Variants in SEMA5A observed in about 807,000 individuals in gnomAD.
SEMA5A encodes the protein semaphorin 5A.
SEMA5A carries 55 observed loss-of-function variants against 135.5 expected under a neutral mutation model. The ratio of observed to expected loss-of-function variants is 0.41; its 90% confidence interval spans 0.33 to 0.51. SEMA5A has a LOEUF of 0.51. Among genes scored for constraint, SEMA5A ranks in the 20% least tolerant of loss-of-function variants. The probability of loss-of-function intolerance (pLI) is 0.37; values close to 1 mark genes in which losing one functional copy is unlikely to be tolerated. For missense variants in SEMA5A, 1,290 were observed against 1,419.9 expected, an observed-to-expected ratio of 0.91 and a Z score of 1.47; for synonymous variants, 580 against 546.5, an observed-to-expected ratio of 1.06 and a Z score of -0.85.
At chr5:9,077,964 C>T (rs984973864) in intron 16 of SEMA5A, among the ~76,000 whole-genome samples, 1 of 152,148 alleles carries the variant, frequency 6.6e-6, no homozygotes, top group African/African-American at 2.4e-5. Context: ...TTATAACAGC[C>T]TAAAGCTCAG....
intron 1 of SEMA5A, among the ~76,000 whole-genome samples, chr5:9,468,168 A>C (rs745722673): frequency 2.6e-5 from 4 of 152,202 alleles, no homozygotes; most frequent in Admixed American, 2.6e-4. Flanking sequence ...AGAGACTCTC[A>C]TGATTCAGAA....
chr5:9,457,902 T>G (rs2126721356), intron 1 of SEMA5A, among the ~76,000 whole-genome samples: 2 of 51,106 alleles, frequency 3.9e-5, no homozygotes, highest in Non-Finnish European at 7.3e-5. Flanking sequence ...CATCTCTCCT[T>G]TTTTTTTTTT....
Position 9,445,956 on chromosome 5 carries a change from C to T in SEMA5A, c.-174-8104G>A, listed in dbSNP as rs1758418421. ...AGAGAAATACTCTTCCCACTTGGAG[C>T]CTTCATGCCCAGATCCAGCCTGAGA... On this transcript the variant is annotated intron_variant, in intron 1 of 22. Coordinates refer to ENST00000382496, the MANE Select transcript of SEMA5A (RefSeq NM_003966.3). Among the ~76,000 whole-genome samples the T allele has an allele frequency of 2.0e-5, 3 of 152,326 alleles. No individual in the cohort carries two copies. The South Asian group carries it at 6.2e-4, about 32-fold the overall frequency.
intron 12 of SEMA5A, among the ~76,000 whole-genome samples, chr5:9,145,619 G>C (rs1742285538): frequency 6.6e-6 from 1 of 150,650 alleles, no homozygotes; most frequent in South Asian, 2.1e-4. Context: ...GAGGCCTGTG[G>C]AGTAGATATT....
chr5:9,152,301 C>G (rs1742675730), intron 12 of SEMA5A, among the ~76,000 whole-genome samples: 1 of 152,162 alleles, frequency 6.6e-6, no homozygotes, highest in South Asian at 2.1e-4. Flanking sequence ...TATATTCCAG[C>G]TATGACATCC....
At chr5:9,227,738 G>T (rs1239578559) in intron 6 of SEMA5A, among the ~76,000 whole-genome samples, 4 of 151,922 alleles carry the variant, frequency 2.6e-5, no homozygotes, top group Non-Finnish European at 4.4e-5. Context: ...TTTTAGTAGA[G>T]ACAGGGTTTC....
At chr5:9,427,142 C>G (rs927722904) in intron 2 of SEMA5A, among the ~76,000 whole-genome samples, 2 of 152,064 alleles carry the variant, frequency 1.3e-5, no homozygotes, top group Non-Finnish European at 2.9e-5. Context: ...GAAAACCCAG[C>G]TCTACTAAAA....
At chr5:9,130,489 A>C (rs2150203761) in intron 13 of SEMA5A, among the ~76,000 whole-genome samples, 1 of 152,284 alleles carries the variant, frequency 6.6e-6, no homozygotes, top group South Asian at 2.1e-4. Flanking sequence ...AAAAGAACTA[A>C]GCTGAAGCAC....
intron 11 of SEMA5A, among the ~76,000 whole-genome samples, chr5:9,160,909 G>A (rs971731808): frequency 1.3e-5 from 2 of 152,142 alleles, no homozygotes; most frequent in African/African-American, 2.4e-5. Context: ...GAGAAGAAAT[G>A]TTTACACAAT....
At chr5:9,136,680 A>T in intron 12 of SEMA5A, 59 bp from the exon 13 acceptor site, 2 of 1,372,620 alleles carry the variant, frequency 1.5e-6, no homozygotes, top group South Asian at 2.3e-5. Context: ...TAAGATACAC[A>T]AGACAAGGCG....
chr5:9,460,100 T>G (rs556771773), intron 1 of SEMA5A, among the ~76,000 whole-genome samples: 1 of 152,338 alleles, frequency 6.6e-6, no homozygotes, highest in Non-Finnish European at 1.5e-5. Flanking sequence ...CATCATCTAC[T>G]GTCAAGATTT....
intron 5 of SEMA5A, among the ~76,000 whole-genome samples, chr5:9,274,797 C>A (rs1357404905): frequency 6.6e-6 from 1 of 152,108 alleles, no homozygotes; most frequent in East Asian, 1.9e-4. Flanking sequence ...AACAAAGACA[C>A]AATGTACCAG....
intron 1 of SEMA5A, among the ~76,000 whole-genome samples, chr5:9,516,406 CTA>C (rs1736519625): frequency 6.6e-6 from 1 of 151,958 alleles, no homozygotes; most frequent in South Asian, 2.1e-4. Context: ...CTTAGAATCT[CTA>C]GAAAAAGAGA....
At chr5:9,243,268 C>T (rs545859446) in intron 5 of SEMA5A, among the ~76,000 whole-genome samples, 21 of 152,252 alleles carry the variant, frequency 1.4e-4, no homozygotes, top group African/African-American at 3.8e-4. Flanking sequence ...ACCTGTGGTA[C>T]GACTTGGCTT....
rs910359134 is a variant in SEMA5A at position 9,204,484 on chromosome 5, G to A, written c.647-2244C>T. 2.0e-5 allele frequency among the ~76,000 whole-genome samples: 3 copies of A among 152,218 alleles called. No individual in the cohort carries two copies. The highest frequency in any genetic ancestry group is 1.5e-5 in the Non-Finnish European group (1 of 68,030). On this transcript the variant is annotated intron_variant, in intron 8 of 22. Coordinates refer to ENST00000382496, the MANE Select transcript of SEMA5A (RefSeq NM_003966.3). The surrounding 1 kb of genome is among the most constrained non-coding windows in gnomAD (Gnocchi z 6.4). ...GATCTTTTATGGTTTCCAGCTGAAGGATGAGTTTATAATAAAAACAGCTAA... is the reference window on the plus strand; with the variant it reads ...GATCTTTTATGGTTTCCAGCTGAAGAATGAGTTTATAATAAAAACAGCTAA...
rs541728342 is a variant in SEMA5A, at chr5:9,482,134, T to C, written c.-174-44282A>G. ...TCGCAGTTGTGCTCACCAAGTCCAG[T>C]TGAGTACAGAGTGGGATGCCCGTGA... On this transcript the variant is annotated intron_variant, in intron 1 of 22. Coordinates refer to ENST00000382496, the MANE Select transcript of SEMA5A (RefSeq NM_003966.3). Among the ~76,000 whole-genome samples, 146 of 152,324 alleles carry C rather than the reference T, an allele frequency of 9.6e-4. 1 individual carries two copies. Among genetic ancestry groups the C allele is most frequent in the African/African-American group, 3.2e-3 (135 of 41,562 alleles).
chr5:9,403,365 T>C (rs1351105280), intron 2 of SEMA5A, among the ~76,000 whole-genome samples: 3 of 152,118 alleles, frequency 2.0e-5, no homozygotes, highest in African/African-American at 4.8e-5. Flanking sequence ...CAGGCAATGT[T>C]TGTAAGACAA....
At chr5:9,147,985 C>T (rs1742433590) in intron 12 of SEMA5A, among the ~76,000 whole-genome samples, 1 of 152,120 alleles carries the variant, frequency 6.6e-6, no homozygotes, top group African/African-American at 2.4e-5. Context: ...CAGAGGAAGC[C>T]CAGGCTTTGG....
At chr5:9,478,055 T>C (rs943368214) in intron 1 of SEMA5A, among the ~76,000 whole-genome samples, 4 of 152,178 alleles carry the variant, frequency 2.6e-5, no homozygotes, top group Admixed American at 1.3e-4. Context: ...CAGACATGAC[T>C]ATAGGGGCCA....
Sources: allele counts gnomAD v4.1 joint callset (sites outside exome capture counted in the v4.1 genomes callset), GRCh38; gene constraint gnomAD v4.1.1; non-coding constraint Gnocchi (gnomAD v3.1); transcripts MANE v1.5; gene names NCBI Gene and HGNC (gene_info 2026-07-23, HGNC 2026-07-21).